Variants in EIF4G3 observed in about 807,000 individuals in gnomAD.
EIF4G3 encodes eIF-4-gamma 3.
Under a neutral mutation model 186.4 loss-of-function variants are expected in EIF4G3, and 34 were observed. That is an observed-to-expected ratio of 0.18 (90% CI 0.14 to 0.24). The LOEUF is 0.24. Ranked by LOEUF, EIF4G3 falls within the 10% of genes least tolerant of loss-of-function variation. The pLI is 1.00. For missense variants in EIF4G3, 1,536 were observed against 1,948.5 expected (o/e 0.79, Z 3.99); for synonymous variants, 673 against 679.5 (o/e 0.99, Z 0.15).
intron 2 of EIF4G3, among the ~76,000 whole-genome samples, chr1:21,098,470 T>C (rs1572513959): frequency 1.6e-5 from 2 of 126,312 alleles, no homozygotes; most frequent in South Asian, 5.1e-4. Flanking sequence ...GCTCAGGAGG[T>C]GGAGACTGCA....
At chr1:21,036,717 A>G (rs2093233121) in intron 4 of EIF4G3, among the ~76,000 whole-genome samples, 1 of 151,868 alleles carries the variant, frequency 6.6e-6, no homozygotes, top group Non-Finnish European at 1.5e-5. Flanking sequence ...CCGTCTCTAC[A>G]AAAAAATACA....
chr1:20,971,426 C>T (rs1267534627), intron 11 of EIF4G3, among the ~76,000 whole-genome samples: 2 of 152,184 alleles, frequency 1.3e-5, no homozygotes, highest in East Asian at 1.9e-4. Context: ...TACTGTCTTC[C>T]GGTTTCATTT....
intron 2 of EIF4G3, among the ~76,000 whole-genome samples, chr1:21,111,091 T>A (rs1572708075): frequency 6.6e-6 from 1 of 152,186 alleles, no homozygotes; most frequent in Non-Finnish European, 1.5e-5. Flanking sequence ...AAAGGAACTT[T>A]CAGGCTCTTA....
chr1:20,895,557 A>G, intron 16 of EIF4G3, 56 bp from the exon 17 acceptor site: 2 of 1,555,392 alleles, frequency 1.3e-6, no homozygotes, highest in Non-Finnish European at 1.8e-6. Flanking sequence ...ACAGTCATGC[A>G]TTGCATAACG....
intron 35 of EIF4G3, among the ~76,000 whole-genome samples, chr1:20,811,921 G>A (rs1386457979): frequency 1.3e-5 from 2 of 152,104 alleles, no homozygotes; most frequent in Non-Finnish European, 2.9e-5. Context: ...CTTTTCAGAA[G>A]GCTAAAATAA....
Position 20,874,458 on chromosome 1 carries a change from G to A in EIF4G3, c.2622+4865C>T, listed in dbSNP as rs192575734. 7.1e-4 allele frequency among the ~76,000 whole-genome samples: 108 copies of A among 152,088 alleles called. 3 individuals are homozygous for A. Among genetic ancestry groups the A allele is most frequent in the Admixed American group, 6.7e-3 (103 of 15,260 alleles). ...ACTTTTTTTCATATATTTGTTGGCC[G>A]CGTAAATGTCTTATTTTGAGAAGTG... On this transcript the variant is annotated intron_variant, in intron 20 of 36. Coordinates refer to ENST00000602326, the MANE Select transcript of EIF4G3 (RefSeq NM_001391906.1).
chr1:20,950,994 G>C (rs375938937), intron 12 of EIF4G3, among the ~76,000 whole-genome samples: 1 of 152,068 alleles, frequency 6.6e-6, no homozygotes, highest in African/African-American at 2.4e-5. Context: ...AATTTTTTTG[G>C]TATCTATAAT....
At chr1:21,045,734 T>C (rs1290876644) in intron 4 of EIF4G3, among the ~76,000 whole-genome samples, 1 of 152,076 alleles carries the variant, frequency 6.6e-6, no homozygotes, top group Admixed American at 6.5e-5. Context: ...AAGCAATAAG[T>C]AGGAGTCTCT....
At chr1:20,833,839 A>T (rs2065973304) in intron 30 of EIF4G3, among the ~76,000 whole-genome samples, 1 of 152,222 alleles carries the variant, frequency 6.6e-6, no homozygotes, top group South Asian at 2.1e-4. Flanking sequence ...ACCCACAGCC[A>T]ATATCATACT....
intron 14 of EIF4G3, among the ~76,000 whole-genome samples, chr1:20,920,201 C>A (rs886692227): frequency 6.6e-6 from 1 of 152,082 alleles, no homozygotes; most frequent in Non-Finnish European, 1.5e-5. Context: ...TCACTGCGTC[C>A]GGTCGAGATA....
intron 20 of EIF4G3, among the ~76,000 whole-genome samples, chr1:20,878,842 C>T (rs546333478): frequency 7.4e-4 from 113 of 152,256 alleles, no homozygotes; most frequent in Non-Finnish European, 1.2e-3. Flanking sequence ...ATAATGTAAA[C>T]GGAGAGAAAC....
rs1292049460 is a variant in EIF4G3, at chr1:20,850,442, G to C, written c.3772+816C>G. Among the ~76,000 whole-genome samples, 4 of 152,122 alleles carry C rather than the reference G, an allele frequency of 2.6e-5. No individual in the cohort carries two copies. The East Asian group carries it at 7.7e-4, about 29-fold the overall frequency. ...AATTTGTCTCTGAGATCCATTTAGG[G>C]ACTACAGTTAAGAGATACAATTTAT... is the stretch of plus-strand genomic sequence containing the variant. On this transcript the variant is annotated intron_variant, in intron 28 of 36. Coordinates refer to ENST00000602326, the MANE Select transcript of EIF4G3 (RefSeq NM_001391906.1).
chr1:21,019,592 T>C (rs1294213751), intron 4 of EIF4G3, among the ~76,000 whole-genome samples: 1 of 152,228 alleles, frequency 6.6e-6, no homozygotes, highest in Non-Finnish European at 1.5e-5. Flanking sequence ...ACAGAATACA[T>C]ATTTTCTCAT....
chr1:21,034,834 A>G (rs1006029527), intron 4 of EIF4G3, among the ~76,000 whole-genome samples: 2 of 152,014 alleles, frequency 1.3e-5, no homozygotes, highest in African/African-American at 2.4e-5. Flanking sequence ...GCCCCATGTC[A>G]GGGTGTCTGC....
chr1:21,096,775 T>A (rs1572490543), intron 2 of EIF4G3, among the ~76,000 whole-genome samples: 1 of 152,206 alleles, frequency 6.6e-6, no homozygotes, highest in East Asian at 1.9e-4. Context: ...TTGCTGGAAG[T>A]TATACTACTG....
Position 21,176,758 on chromosome 1 carries a change from G to C in EIF4G3, c.-492C>G. 1.4e-6 allele frequency: 1 copy of C among 698,766 alleles called. No individual in the cohort carries two copies. The highest frequency in any genetic ancestry group is 2.6e-6 in the Non-Finnish European group (1 of 383,450). 43.3% of individuals were successfully genotyped at this position (698,766 alleles called of 1,614,324 possible). On this transcript the variant is annotated 5_prime_UTR_variant, in exon 1 of 37. In the 5' UTR this introduces an upstream ATG that the reference lacks. Coordinates refer to ENST00000602326, the MANE Select transcript of EIF4G3 (RefSeq NM_001391906.1). ...ATATCCTCATGGGCCGGCGGCGGGG[G>C]ATCTTTATCCCCCTCCCCGGAGGAA...
intron 3 of EIF4G3, among the ~76,000 whole-genome samples, chr1:21,052,277 T>C (rs914712957): frequency 2.0e-5 from 3 of 152,180 alleles, no homozygotes; most frequent in Admixed American, 1.3e-4. Context: ...TTCCCTCTCA[T>C]ACACTAATGC....
intron 25 of EIF4G3, among the ~76,000 whole-genome samples, chr1:20,857,175 A>AAAAAAAAAAAAAAAAAAG (rs1184221597): frequency 6.6e-6 from 1 of 150,488 alleles, no homozygotes; most frequent in Non-Finnish European, 1.5e-5. Flanking sequence ...AAAAAAAAAA[A>AAAAAAAAAAAAAAAAAAG]AAAAGAAAAT....
At chr1:20,894,337 G>A (rs2154555892) in intron 17 of EIF4G3, among the ~76,000 whole-genome samples, 1 of 152,292 alleles carries the variant, frequency 6.6e-6, no homozygotes, top group East Asian at 1.9e-4. Context: ...TATAACACTT[G>A]ACTTCTGAGG....
Sources: allele counts gnomAD v4.1 joint callset (sites outside exome capture counted in the v4.1 genomes callset), GRCh38; gene constraint gnomAD v4.1.1; transcripts MANE v1.5; gene names NCBI Gene and HGNC (gene_info 2026-07-23, HGNC 2026-07-21).